CLYBL: variants seen among roughly 807,000 people sequenced by gnomAD.
The protein encoded by CLYBL is citramalyl-CoA lyase.
CLYBL carries 31 observed loss-of-function variants against 38.9 expected under a neutral mutation model. That is an observed-to-expected ratio of 0.80 (90% confidence interval 0.60 to 1.08). CLYBL has a LOEUF of 1.08. Ranked by LOEUF, CLYBL falls within the 50% of genes least tolerant of loss-of-function variation. The pLI is 0.00. For missense variants in CLYBL, 434 were observed against 411.6 expected (o/e 1.05, Z -0.47); for synonymous variants, 171 against 158.6 (o/e 1.08, Z -0.59).
At chr13:99,662,119 C>T (rs1450269440) in intron 1 of CLYBL, among the ~76,000 whole-genome samples, 2 of 152,192 alleles carry the variant, frequency 1.3e-5, no homozygotes, top group East Asian at 3.8e-4. Context: ...CCTGACCTTT[C>T]CTTGCTATTT....
At position 99,846,233 on chromosome 13, in the gene CLYBL, C is replaced by T. The variant is rs182538900; in HGVS notation, c.250-12628C>T. ...AAATGAAAACATGCAAAGGTGGAAC[C>T]AACATTACGAATGTTGATGGATATT... On this transcript the variant is annotated intron_variant, in intron 2 of 8. Transcript: ENST00000339105. 1.3e-4 allele frequency among the ~76,000 whole-genome samples: 20 copies of T among 149,402 alleles called. 1 individual carries two copies. The highest frequency in any genetic ancestry group is 1.2e-3 in the Admixed American group (18 of 14,998).
At chr13:99,905,218 C>G (rs2152139153) in intron 8 of CLYBL, among the ~76,000 whole-genome samples, 1 of 152,284 alleles carries the variant, frequency 6.6e-6, no homozygotes, top group East Asian at 1.9e-4. Flanking sequence ...CTTAATAAGG[C>G]CAGGACCTAG....
At chr13:99,779,462 T>C (rs886259177) in intron 2 of CLYBL, among the ~76,000 whole-genome samples, 4 of 152,202 alleles carry the variant, frequency 2.6e-5, no homozygotes, top group Non-Finnish European at 5.9e-5. Context: ...TTTTTAATTG[T>C]CATTTATTTG....
chr13:99,773,457 A>C (rs542028987), intron 2 of CLYBL, among the ~76,000 whole-genome samples: 1 of 152,312 alleles, frequency 6.6e-6, no homozygotes, highest in Admixed American at 6.5e-5. Flanking sequence ...TCAGATCAGC[A>C]GTGGCATTAG....
At chr13:99,703,098 C>T (rs997899098) in intron 1 of CLYBL, among the ~76,000 whole-genome samples, 7 of 152,196 alleles carry the variant, frequency 4.6e-5, no homozygotes, top group Non-Finnish European at 1.0e-4. Context: ...TGAACCCAGA[C>T]TATTATGCAA....
At chr13:99,771,004 G>A (rs940160313) in intron 1 of CLYBL, among the ~76,000 whole-genome samples, 15 of 143,396 alleles carry the variant, frequency 1.0e-4, no homozygotes, top group Admixed American at 7.7e-4. Context: ...ACAGGCGTAA[G>A]CCACCACGCG....
chr13:99,889,770 G>A (rs559522873), intron 7 of CLYBL, among the ~76,000 whole-genome samples: 10 of 152,216 alleles, frequency 6.6e-5, no homozygotes, highest in African/African-American at 7.2e-5. Flanking sequence ...ATGTATAACC[G>A]TAAGTTACTA....
At chr13:99,799,906 G>T (rs2050098106) in intron 2 of CLYBL, among the ~76,000 whole-genome samples, 1 of 152,208 alleles carries the variant, frequency 6.6e-6, no homozygotes. Flanking sequence ...CCCACCCAGG[G>T]GCCTGCAGCG....
chr13:99,807,669 G>A (rs1316794517), intron 2 of CLYBL, among the ~76,000 whole-genome samples: 1 of 152,072 alleles, frequency 6.6e-6, no homozygotes, highest in Non-Finnish European at 1.5e-5. Context: ...GGGGGAAGGA[G>A]GAACGGGGAG....
At chr13:99,825,086 AG>A (rs1168396379) in intron 2 of CLYBL, among the ~76,000 whole-genome samples, 1 of 152,220 alleles carries the variant, frequency 6.6e-6, no homozygotes, top group Non-Finnish European at 1.5e-5. Context: ...ATAAGCAGAC[AG>A]TCACTTCATG....
intron 1 of CLYBL, among the ~76,000 whole-genome samples, chr13:99,677,788 T>C (rs1014335961): frequency 6.6e-6 from 1 of 152,254 alleles, no homozygotes; most frequent in African/African-American, 2.4e-5. Flanking sequence ...GGCTACTGTT[T>C]TATTTGTACA....
At chr13:99,904,065 A>G (rs9585267) in intron 8 of CLYBL, among the ~76,000 whole-genome samples, 52 of 151,960 alleles carry the variant, frequency 3.4e-4, no homozygotes, top group Non-Finnish European at 3.2e-4. Flanking sequence ...AACAAAAACA[A>G]AAAAACCCCA....
At position 99,876,420 on chromosome 13, in the gene CLYBL, CAAAAA is replaced by C. The variant is rs35512772; in HGVS notation, c.927+5375_927+5379del. 5.2e-3 allele frequency among the ~76,000 whole-genome samples: 365 copies of C among 70,106 alleles called. 1 individual carries two copies. Among genetic ancestry groups the C allele is most frequent in the African/African-American group, 0.016 (349 of 22,410 alleles). 46.0% of individuals were successfully genotyped at this position (70,106 alleles called of 152,430 possible). ...TGGGTGACAGAACAAGACTCCGTCT[CAAAAA>C]AAAAAAAAAAAAAAAAGAGTGTTTT... On this transcript the variant is annotated intron_variant, in intron 7 of 8. Coordinates refer to ENST00000339105, the MANE Select transcript of CLYBL (RefSeq NM_206808.5).
chr13:99,646,679 A>ATTTTTTT (rs1176000168), intron 1 of CLYBL, among the ~76,000 whole-genome samples: 2 of 128,858 alleles, frequency 1.6e-5, no homozygotes, highest in Non-Finnish European at 3.3e-5. Flanking sequence ...CACCTGGCTA[A>ATTTTTTT]TTTTTTTTTT....
At chr13:99,696,846 G>C (rs1044771145) in intron 1 of CLYBL, among the ~76,000 whole-genome samples, 22 of 151,918 alleles carry the variant, frequency 1.4e-4, no homozygotes. Context: ...AAAAGAAAAA[G>C]ATGAAAAGAA....
At chr13:99,777,300 T>C (rs878963174) in intron 2 of CLYBL, among the ~76,000 whole-genome samples, 1 of 152,182 alleles carries the variant, frequency 6.6e-6, no homozygotes, top group East Asian at 1.9e-4. Flanking sequence ...AAAATGAAGA[T>C]ATGTTCCCAA....
At chr13:99,786,754 T>C (rs1422220857) in intron 2 of CLYBL, among the ~76,000 whole-genome samples, 1 of 152,012 alleles carries the variant, frequency 6.6e-6, no homozygotes, top group East Asian at 1.9e-4. Context: ...ATGGTATTTC[T>C]AGTTCTAGAT....
chr13:99,651,105 C>A (rs898444347), intron 1 of CLYBL, among the ~76,000 whole-genome samples: 3 of 152,208 alleles, frequency 2.0e-5, no homozygotes, highest in Admixed American at 6.5e-5. Flanking sequence ...ACCCACACTG[C>A]CGTGGGCCAG....
At chr13:99,866,447 A>C in intron 6 of CLYBL, 40 bp downstream of exon 6, 1 of 1,577,194 alleles carries the variant, frequency 6.3e-7, no homozygotes, top group East Asian at 2.2e-5. Flanking sequence ...TAAATTAGCA[A>C]GCATTCCAGA....
Sources: gnomAD v4.1 joint callset for allele counts (sites outside exome capture counted in the v4.1 genomes callset) on GRCh38, gnomAD v4.1.1 for gene constraint, MANE v1.5 for transcripts, NCBI Gene and HGNC (gene_info 2026-07-23, HGNC 2026-07-21) for gene names.